The following KAT6B variants were observed in gnomAD, a reference collection of about 807,000 sequenced individuals.
The protein encoded by KAT6B is histone acetyltransferase KAT6B.
A neutral mutation model predicts 187.5 loss-of-function variants in KAT6B; 10 were observed. That is an observed-to-expected ratio of 0.05 (90% CI 0.03 to 0.09). KAT6B has a LOEUF of 0.09. Ranked by LOEUF, KAT6B falls within the 10% of genes least tolerant of loss-of-function variation. The probability of loss-of-function intolerance (pLI) is 1.00; values close to 1 mark genes in which losing one functional copy is unlikely to be tolerated. For missense variants in KAT6B, 1,952 were observed against 2,558.9 expected, an observed-to-expected ratio of 0.76 and a Z score of 5.12; for synonymous variants, 861 against 926.8, an observed-to-expected ratio of 0.93 and a Z score of 1.29.
At chr10:74,970,758 A>G (rs1021987728) in intron 6 of KAT6B, among the ~76,000 whole-genome samples, 1 of 152,242 alleles carries the variant, frequency 6.6e-6, no homozygotes, top group Admixed American at 6.5e-5. Context: ...AAAGGAATAA[A>G]AATAAAAATG....
intron 3 of KAT6B, among the ~76,000 whole-genome samples, chr10:74,860,103 G>A (rs896446201): frequency 6.6e-6 from 1 of 151,996 alleles, no homozygotes; most frequent in Non-Finnish European, 1.5e-5. Flanking sequence ...ATGTGCACAA[G>A]TGCAAGTTTG....
intron 3 of KAT6B, among the ~76,000 whole-genome samples, chr10:74,878,024 A>C (rs576038351): frequency 1.8e-4 from 28 of 152,350 alleles, no homozygotes; most frequent in African/African-American, 6.0e-4. Flanking sequence ...AATGATGCTA[A>C]ACCCCTGTCC....
chr10:75,010,887 C>T (rs59015095), intron 13 of KAT6B, among the ~76,000 whole-genome samples: 8 of 152,286 alleles, frequency 5.3e-5, no homozygotes, highest in Middle Eastern at 3.4e-3. Context: ...GCAGTGTTTT[C>T]GCAGCAGGAG....
chr10:74,840,065 G>A (rs1031937659), intron 2 of KAT6B, among the ~76,000 whole-genome samples: 2 of 152,220 alleles, frequency 1.3e-5, no homozygotes, highest in African/African-American at 4.8e-5. Context: ...TTTGCAGAAG[G>A]AAAGGGGTGG....
chr10:74,837,462 A>AT (rs1161679951), intron 1 of KAT6B, among the ~76,000 whole-genome samples: 6 of 152,192 alleles, frequency 3.9e-5, no homozygotes, highest in Non-Finnish European at 8.8e-5. Context: ...GAGAATAATG[A>AT]TTTTAGGGTT....
intron 1 of KAT6B, among the ~76,000 whole-genome samples, chr10:74,828,943 A>G (rs1840512380): frequency 6.6e-6 from 1 of 151,820 alleles, no homozygotes; most frequent in Non-Finnish European, 1.5e-5. Context: ...AGGATAATGC[A>G]CATGTTTTTT....
intron 3 of KAT6B, among the ~76,000 whole-genome samples, chr10:74,957,652 A>T (rs1416458701): frequency 6.6e-6 from 1 of 152,256 alleles, no homozygotes; most frequent in East Asian, 1.9e-4. Flanking sequence ...CAGTGCAAGG[A>T]TGACAGCAGT....
chr10:75,012,324 G>C (rs1374367136), intron 13 of KAT6B, among the ~76,000 whole-genome samples: 1 of 152,132 alleles, frequency 6.6e-6, no homozygotes, highest in East Asian at 1.9e-4. Context: ...GTATGCACTT[G>C]TTGTCCCAGC....
At chr10:74,944,138 G>A (rs1263779611) in intron 3 of KAT6B, among the ~76,000 whole-genome samples, 1 of 152,214 alleles carries the variant, frequency 6.6e-6, no homozygotes, top group African/African-American at 2.4e-5. Flanking sequence ...CCCAGGAACA[G>A]CCTTGGATGA....
At chr10:74,833,159 A>AG (rs1271350086) in intron 1 of KAT6B, among the ~76,000 whole-genome samples, 40 of 150,976 alleles carry the variant, frequency 2.6e-4, no homozygotes, top group Admixed American at 1.4e-3. Context: ...AAAAAAAAAA[A>AG]TCACATTTTT....
At chr10:74,911,214 A>G (rs1203103672) in intron 3 of KAT6B, among the ~76,000 whole-genome samples, 1 of 151,082 alleles carries the variant, frequency 6.6e-6, no homozygotes, top group African/African-American at 2.4e-5. Flanking sequence ...TAAAAAATTT[A>G]TTGAACATAG....
At chr10:74,864,083 T>G (rs545129323) in intron 3 of KAT6B, among the ~76,000 whole-genome samples, 1 of 152,302 alleles carries the variant, frequency 6.6e-6, no homozygotes, top group South Asian at 2.1e-4. Context: ...GTTGTTGTTT[T>G]TTTGAGACAG....
In KAT6B at chr10:74,987,622, C is replaced by T. The variant is rs75961681; in HGVS notation, c.2536-1397C>T. On this transcript the variant is annotated intron_variant, in intron 12 of 17. Transcript: ENST00000287239. ...AAATTGTTACATGCATATGACTTTC[C>T]AAGCACATAATAGATGGCTGTAAAC... Among the ~76,000 whole-genome samples the T allele has an allele frequency of 4.0e-3, 610 of 152,254 alleles. 7 individuals are homozygous for T. The highest frequency in any genetic ancestry group is 0.014 in the African/African-American group (566 of 41,542).
At chr10:74,854,491 G>A (rs1414468612) in intron 3 of KAT6B, among the ~76,000 whole-genome samples, 1 of 151,700 alleles carries the variant, frequency 6.6e-6, no homozygotes, top group African/African-American at 2.4e-5. Flanking sequence ...AATGAAAGGT[G>A]ATATTTTGAT....
chr10:74,919,575 A>T (rs1010152557), intron 3 of KAT6B, among the ~76,000 whole-genome samples: 2 of 151,692 alleles, frequency 1.3e-5, no homozygotes, highest in East Asian at 1.9e-4. Flanking sequence ...TAATTTTTAA[A>T]TTTTTTTAGT....
At chr10:74,998,407 T>C (rs1843600285) in intron 13 of KAT6B, among the ~76,000 whole-genome samples, 1 of 151,986 alleles carries the variant, frequency 6.6e-6, no homozygotes, top group Admixed American at 6.6e-5. Context: ...CCCCAGCCCC[T>C]GATTATAGCA....
chr10:74,987,150 A>G (rs1343781816), intron 12 of KAT6B, among the ~76,000 whole-genome samples: 1 of 152,180 alleles, frequency 6.6e-6, no homozygotes, highest in Non-Finnish European at 1.5e-5. Flanking sequence ...AAAAGACTAG[A>G]TGAGGCCGGG....
intron 13 of KAT6B, among the ~76,000 whole-genome samples, chr10:75,019,513 G>A (rs1399030907): frequency 6.6e-6 from 1 of 152,176 alleles, no homozygotes; most frequent in Non-Finnish European, 1.5e-5. Context: ...AGATAAAGAA[G>A]AAAAATGCTG....
chr10:74,999,767 T>C (rs1843702500), intron 13 of KAT6B, among the ~76,000 whole-genome samples: 1 of 152,186 alleles, frequency 6.6e-6, no homozygotes, highest in African/African-American at 2.4e-5. Context: ...AAGAGACTTG[T>C]CTAAGATCAT....
Sources: allele counts gnomAD v4.1 joint callset (sites outside exome capture counted in the v4.1 genomes callset), GRCh38; gene constraint gnomAD v4.1.1; transcripts MANE v1.5; gene names NCBI Gene and HGNC (gene_info 2026-07-23, HGNC 2026-07-21).